RMST: variants seen among roughly 807,000 people sequenced by gnomAD.
RMST encodes long intergenic non-protein coding RNA 54.
At chr12:97,469,729 G>T (rs573364772) in intron 5 of RMST, among the ~76,000 whole-genome samples, 2 of 152,012 alleles carry the variant, frequency 1.3e-5, no homozygotes. Context: ...TCCTAGGCTT[G>T]TTCAAGATGT....
At chr12:97,544,353 T>G (rs1291913985) in intron 11 of RMST, among the ~76,000 whole-genome samples, 2 of 152,090 alleles carry the variant, frequency 1.3e-5, no homozygotes, top group Non-Finnish European at 2.9e-5. Context: ...GTTAGCCTGA[T>G]AGTAAAAATT....
At chr12:97,556,720 G>A (rs1443199631) in intron 11 of RMST, among the ~76,000 whole-genome samples, 1 of 152,136 alleles carries the variant, frequency 6.6e-6, no homozygotes, top group African/African-American at 2.4e-5. Flanking sequence ...GGCTTGGAAG[G>A]CATGTTCATG....
intron 10 of RMST, among the ~76,000 whole-genome samples, chr12:97,517,501 CAT>C (rs145939776): frequency 6.6e-6 from 1 of 151,686 alleles, no homozygotes; most frequent in South Asian, 2.1e-4. Context: ...GAAAGAAAAA[CAT>C]ATATATATAC....
At chr12:97,506,606 T>C (rs797019831) in intron 10 of RMST, among the ~76,000 whole-genome samples, 5 of 151,694 alleles carry the variant, frequency 3.3e-5, no homozygotes, top group African/African-American at 9.7e-5. Context: ...CTGGGAAATG[T>C]GTCACCTAAA....
rs182243968 is a variant in RMST at position 97,504,130 on chromosome 12, G to C, written n.1340+8074G>C. Among the ~76,000 whole-genome samples, 137 of 152,232 alleles carry C rather than the reference G, an allele frequency of 9.0e-4. 1 individual carries two copies. Among genetic ancestry groups the C allele is most frequent in the Non-Finnish European group, 1.9e-3 (127 of 68,006 alleles). On this transcript the variant is annotated intron_variant and non_coding_transcript_variant, in intron 10 of 13. Coordinates refer to ENST00000640149, the Ensembl canonical transcript of RMST. ...GGCGGTCTCGGACTCCTGGCCTCAAGTGATGGCTCACTCCTGTAACCCCGG... is the reference window on the plus strand; with the variant it reads ...GGCGGTCTCGGACTCCTGGCCTCAACTGATGGCTCACTCCTGTAACCCCGG...
At chr12:97,517,201 C>T (rs1313773418) in intron 10 of RMST, among the ~76,000 whole-genome samples, 3 of 151,934 alleles carry the variant, frequency 2.0e-5, no homozygotes, top group Admixed American at 6.6e-5. Flanking sequence ...TTTTAAAGAC[C>T]GTAATTTCAC....
intron 10 of RMST, among the ~76,000 whole-genome samples, chr12:97,507,960 T>C (rs1303066421): frequency 6.6e-6 from 1 of 152,116 alleles, no homozygotes; most frequent in Non-Finnish European, 1.5e-5. Context: ...AGTAGCCCTA[T>C]GGAAACGAAG....
intron 11 of RMST, chr12:97,532,680 A>G (rs1329062842): frequency 9.9e-6 from 1 of 101,292 alleles, no homozygotes. Context: ...AAACAGGATT[A>G]TCTCCTGAGA....
At chr12:97,560,344 A>T (rs1177063108) in intron 11 of RMST, among the ~76,000 whole-genome samples, 1 of 152,212 alleles carries the variant, frequency 6.6e-6, no homozygotes, top group Non-Finnish European at 1.5e-5. Flanking sequence ...CGCCTAGCAG[A>T]TTCTATTTAT....
At chr12:97,513,811 A>T (rs2066874922) in intron 10 of RMST, among the ~76,000 whole-genome samples, 1 of 152,120 alleles carries the variant, frequency 6.6e-6, no homozygotes, top group Non-Finnish European at 1.5e-5. Context: ...TGCTATGGTA[A>T]ATGGTGTGCT....
chr12:97,470,346 G>A (rs1039286493), intron 5 of RMST, among the ~76,000 whole-genome samples: 2 of 151,952 alleles, frequency 1.3e-5, no homozygotes, highest in African/African-American at 4.8e-5. Context: ...GATAGGACCC[G>A]AAGACTAGGA....
chr12:97,480,235 G>A (rs1394563050), intron 5 of RMST, among the ~76,000 whole-genome samples: 3 of 151,572 alleles, frequency 2.0e-5, no homozygotes, highest in South Asian at 2.1e-4. Flanking sequence ...GACTACAGGC[G>A]CCCACCACCA....
At chr12:97,554,812 A>G (rs922586455) in intron 11 of RMST, among the ~76,000 whole-genome samples, 2 of 152,164 alleles carry the variant, frequency 1.3e-5, no homozygotes, top group Non-Finnish European at 2.9e-5. Flanking sequence ...AAATTATTAA[A>G]TATTGTGAGG....
intron 5 of RMST, among the ~76,000 whole-genome samples, chr12:97,483,138 T>C (rs1361837149): frequency 6.6e-6 from 1 of 152,160 alleles, no homozygotes; most frequent in African/African-American, 2.4e-5. Flanking sequence ...CTTGGCCCTT[T>C]GTGCTCTGTT....
intron 11 of RMST, among the ~76,000 whole-genome samples, chr12:97,549,225 A>T (rs1030267578): frequency 7.9e-5 from 12 of 152,224 alleles, no homozygotes; most frequent in African/African-American, 2.9e-4. Context: ...AGTTTTCAGA[A>T]AAGAGTATGT....
chr12:97,541,175 C>T (rs1882490541), intron 11 of RMST: 1 of 151,564 alleles, frequency 6.6e-6, no homozygotes, highest in Admixed American at 6.6e-5. Context: ...AAAAATAACT[C>T]TATACACATT....
intron 10 of RMST, among the ~76,000 whole-genome samples, chr12:97,516,556 T>A: frequency 6.6e-6 from 1 of 152,044 alleles, no homozygotes; most frequent in East Asian, 1.9e-4. Context: ...TTTTTCTTCA[T>A]ATTTCTTACA....
intron 11 of RMST, among the ~76,000 whole-genome samples, chr12:97,542,657 C>T (rs1882635978): frequency 6.6e-6 from 1 of 151,848 alleles, no homozygotes; most frequent in South Asian, 2.1e-4. Flanking sequence ...TTGAATAGGA[C>T]CACATCCATC....
rs575307619 is a variant in RMST, at chr12:97,510,403, T to C, written n.1340+14347T>C. 5.3e-5 allele frequency among the ~76,000 whole-genome samples: 8 copies of C among 152,336 alleles called. No homozygotes were observed. In the South Asian group the frequency reaches 1.7e-3, roughly 32 times the overall value. On this transcript the variant is annotated intron_variant and non_coding_transcript_variant, in intron 10 of 13. Coordinates refer to ENST00000640149, the Ensembl canonical transcript of RMST. ...GATTTCCATGAGTCACTTATTTATT[T>C]TGTAATTGAGCAAGTAATAAAATGA...
Sources: allele counts gnomAD v4.1 joint callset (sites outside exome capture counted in the v4.1 genomes callset), GRCh38; gene constraint gnomAD v4.1.1; transcripts MANE v1.5; gene names NCBI Gene and HGNC (gene_info 2026-07-23, HGNC 2026-07-21).